The following SRD5A2 variants were observed in gnomAD, a reference collection of about 807,000 sequenced individuals.
SRD5A2 encodes 3-oxo-5-alpha-steroid 4-dehydrogenase 2.
Under a neutral mutation model 27.4 loss-of-function variants are expected in SRD5A2, and 30 were observed. The observed-to-expected ratio is 1.10, with a 90% CI of 0.82 to 1.49. SRD5A2 has a LOEUF of 1.49. Ranked by LOEUF, SRD5A2 falls within the 40% of genes most tolerant of loss-of-function variation. The pLI, the probability that SRD5A2 is intolerant of heterozygous loss-of-function variation, is 0.00. For synonymous variants in SRD5A2, 141 were observed against 133.6 expected, an observed-to-expected ratio of 1.06 and a Z score of -0.38; for missense variants, 348 against 323.4, an observed-to-expected ratio of 1.08 and a Z score of -0.58.
At chr2:31,641,477 A>G in the SRD5A2 span, among the ~76,000 whole-genome samples, 1 of 152,226 alleles carries the variant, frequency 6.6e-6, no homozygotes, top group Non-Finnish European at 1.5e-5. Flanking sequence ...ATTACAAGAA[A>G]TAGTAAAGGA....
chr2:31,557,618 T>C (rs967893057), intron 1 of SRD5A2, among the ~76,000 whole-genome samples: 6 of 152,162 alleles, frequency 3.9e-5, no homozygotes, highest in African/African-American at 1.2e-4. Context: ...AAAATGGAGA[T>C]GGAGTAGGAA....
the SRD5A2 span, among the ~76,000 whole-genome samples, chr2:31,600,997 A>G: frequency 1.3e-5 from 2 of 151,910 alleles, no homozygotes; most frequent in South Asian, 2.1e-4. Context: ...ATAAAACTCA[A>G]TATCACAACT....
At chr2:31,533,005 A>G (rs1052869739) in intron 2 of SRD5A2, among the ~76,000 whole-genome samples, 4 of 152,200 alleles carry the variant, frequency 2.6e-5, no homozygotes, top group African/African-American at 9.6e-5. Context: ...GCAGCCCAGG[A>G]CAGTTTTGGA....
the SRD5A2 span, among the ~76,000 whole-genome samples, chr2:31,652,552 C>G: frequency 6.6e-6 from 1 of 151,662 alleles, no homozygotes; most frequent in Non-Finnish European, 1.5e-5. Context: ...AAAACAAGAA[C>G]AGTTATGAAA....
At chr2:31,633,622 C>T in the SRD5A2 span, among the ~76,000 whole-genome samples, 1 of 152,166 alleles carries the variant, frequency 6.6e-6, no homozygotes, top group African/African-American at 2.4e-5. Context: ...ACATCGAAGG[C>T]ACCCCTCCCG....
chr2:31,606,635 G>A, the SRD5A2 span, among the ~76,000 whole-genome samples: 8 of 151,844 alleles, frequency 5.3e-5, no homozygotes, highest in South Asian at 4.1e-4. Flanking sequence ...TATTATGTAC[G>A]GATGACAGAC....
intron 1 of SRD5A2, among the ~76,000 whole-genome samples, chr2:31,574,727 C>A (rs1666921915): frequency 6.6e-6 from 1 of 152,204 alleles, no homozygotes; most frequent in Non-Finnish European, 1.5e-5. Context: ...CTAAGATATG[C>A]CCGCTGCTTT....
the SRD5A2 span, among the ~76,000 whole-genome samples, chr2:31,620,140 T>G: frequency 6.6e-6 from 1 of 152,080 alleles, no homozygotes; most frequent in East Asian, 1.9e-4. Context: ...CAACATCCCT[T>G]CATGTTAAAA....
chr2:31,642,076 T>G, the SRD5A2 span, among the ~76,000 whole-genome samples: 2 of 152,052 alleles, frequency 1.3e-5, no homozygotes, highest in Non-Finnish European at 2.9e-5. Context: ...TAACAAAATA[T>G]AGCCCAGAAA....
At chr2:31,552,722 T>C (rs971644025) in intron 1 of SRD5A2, among the ~76,000 whole-genome samples, 1 of 152,198 alleles carries the variant, frequency 6.6e-6, no homozygotes, top group African/African-American at 2.4e-5. Flanking sequence ...AAAGAGGCAG[T>C]CAGCTTGCTA....
At chr2:31,632,142 C>A in the SRD5A2 span, among the ~76,000 whole-genome samples, 2 of 151,920 alleles carry the variant, frequency 1.3e-5, no homozygotes, top group Non-Finnish European at 2.9e-5. Context: ...CACCTTAGGT[C>A]CAGAGCAAAA....
Position 31,562,241 on chromosome 2 carries a change from T to G in SRD5A2, c.281+18379A>C, listed in dbSNP as rs567189034. Reference sequence around the variant, plus strand: ...TCTTTTTTTTCCTTTTTAAAAAATTTTTATGTTTAATATTTGTGGGTATAT... The same window carrying G: ...TCTTTTTTTTCCTTTTTAAAAAATTGTTATGTTTAATATTTGTGGGTATAT... On this transcript the variant is annotated intron_variant, in intron 1 of 4. Transcript: ENST00000622030. Among the ~76,000 whole-genome samples the G allele has an allele frequency of 4.4e-4, 67 of 152,264 alleles. 3 individuals carry two copies. In the South Asian group the frequency reaches 0.014, roughly 31 times the overall value.
rs1665904456 is a variant in SRD5A2 at position 31,531,422 on chromosome 2, T to C, written c.496A>G (p.Ile166Val). The change falls in exon 3 of 5, where the codon ATA (isoleucine) becomes GTA (valine). Residue 166 changes from isoleucine to valine, a missense_variant. Physicochemically the swap from Ile to Val is conservative, Grantham distance 29 (BLOSUM62 3). Coordinates refer to ENST00000622030, the MANE Select transcript of SRD5A2 (RefSeq NM_000348.4). ...CCAGGCTTCCTGAGCTGGCGCAATA[T>C]ATAGTCACTATGAATGTTTATTCCC... ...GMGINIHSDYILRQLRKPGEI... is the reference protein window; with the variant it reads ...GMGINIHSDYVLRQLRKPGEI... 6.2e-7 allele frequency: 1 copy of C among 1,601,334 alleles called. No homozygotes were observed. Among genetic ancestry groups the C allele is most frequent in the African/African-American group, 1.3e-5 (1 of 74,916 alleles).
Position 31,525,261 on chromosome 2 carries a change from T to G in SRD5A2, c.*935A>C, listed in dbSNP as rs1209569083. 1 of 223,532 alleles carries G rather than the reference T, an allele frequency of 4.5e-6. No homozygotes were observed. Among genetic ancestry groups the G allele is most frequent in the East Asian group, 6.5e-5 (1 of 15,502 alleles). The allele number at this position is 223,532 out of a possible 1,614,324, so 13.8% of individuals were successfully genotyped here. On this transcript the variant is annotated 3_prime_UTR_variant, in exon 5 of 5. Transcript: ENST00000622030. Reference sequence around the variant, plus strand: ...GGGCTTCTGCTGTACTTCATATTGTTGTGGACATCTGGTGGAGGCAAGCAG... The same window carrying G: ...GGGCTTCTGCTGTACTTCATATTGTGGTGGACATCTGGTGGAGGCAAGCAG...
upstream of SRD5A2, among the ~76,000 whole-genome samples, chr2:31,582,378 G>A (rs1304117553): frequency 6.6e-6 from 1 of 152,104 alleles, no homozygotes; most frequent in East Asian, 1.9e-4. Context: ...AGCACTACAG[G>A]GCACCCTCTG....
At chr2:31,615,202 G>A in the SRD5A2 span, among the ~76,000 whole-genome samples, 2 of 152,152 alleles carry the variant, frequency 1.3e-5, no homozygotes, top group Non-Finnish European at 2.9e-5. Flanking sequence ...GTGGGGTGCT[G>A]CTGTTAAGAT....
intron 1 of SRD5A2, among the ~76,000 whole-genome samples, chr2:31,538,955 T>A (rs987749019): frequency 5.3e-5 from 8 of 152,212 alleles, no homozygotes; most frequent in African/African-American, 1.7e-4. Flanking sequence ...CTGGAATGAA[T>A]TTTGAATGAA....
chr2:31,657,692 T>C, the SRD5A2 span, among the ~76,000 whole-genome samples: 1 of 152,192 alleles, frequency 6.6e-6, no homozygotes, highest in Admixed American at 6.5e-5. Context: ...TGATAAATTC[T>C]TACTTTACCA....
the SRD5A2 span, among the ~76,000 whole-genome samples, chr2:31,646,181 GCACACA>G: frequency 1.3e-5 from 2 of 151,306 alleles, no homozygotes; most frequent in African/African-American, 4.9e-5. Context: ...ACACACACAC[GCACACA>G]CACACAGTTA....
Sources: allele counts gnomAD v4.1 joint callset (sites outside exome capture counted in the v4.1 genomes callset), GRCh38; gene constraint gnomAD v4.1.1; transcripts MANE v1.5; gene names NCBI Gene and HGNC (gene_info 2026-07-23, HGNC 2026-07-21).